The following MTERF3 variants were observed in gnomAD, a reference collection of about 807,000 sequenced individuals.
The protein encoded by MTERF3 is mitochondrial transcription termination factor 3.
In MTERF3, 40 loss-of-function variants were observed where a neutral mutation model predicts 40.5. The observed-to-expected ratio is 0.99, with a 90% CI of 0.77 to 1.29. The LOEUF (loss-of-function observed/expected upper bound fraction) is 1.29, where lower values mean the gene tolerates loss of function less well. Among genes scored for constraint, MTERF3 ranks in the 50% most tolerant of loss-of-function variants. The pLI, the probability that MTERF3 is intolerant of heterozygous loss-of-function variation, is 0.00. For synonymous variants in MTERF3, 158 were observed against 166.6 expected (o/e 0.95, Z 0.40); for missense variants, 452 against 478.2 (o/e 0.95, Z 0.51).
intron 4 of MTERF3, among the ~76,000 whole-genome samples, chr8:96,249,624 T>C (rs758119701): frequency 1.3e-5 from 2 of 152,156 alleles, no homozygotes; most frequent in African/African-American, 2.4e-5. Context: ...ATTAGACTGA[T>C]GGTTTAAGGA....
intron 7 of MTERF3, among the ~76,000 whole-genome samples, chr8:96,241,579 C>A (rs1384450614): frequency 6.6e-6 from 1 of 152,116 alleles, no homozygotes; most frequent in African/African-American, 2.4e-5. Flanking sequence ...CTCCAGTGGA[C>A]CAAAGTTACT....
chr8:96,256,841 G>T, intron 3 of MTERF3, 121 bp downstream of exon 3: 2 of 811,502 alleles, frequency 2.5e-6, no homozygotes, highest in Non-Finnish European at 3.4e-6. Context: ...AAGCCTTTAT[G>T]CTATTAGACT....
chr8:96,248,003 G>C (rs1810053867), intron 4 of MTERF3, among the ~76,000 whole-genome samples: 1 of 152,234 alleles, frequency 6.6e-6, no homozygotes, highest in African/African-American at 2.4e-5. Context: ...TTCAACATCT[G>C]ATGCTCCAAC....
chr8:96,261,382 C>T (rs1810384584), intron 1 of MTERF3, 119 bp downstream of exon 1: 1 of 152,358 alleles, frequency 6.6e-6, no homozygotes, highest in East Asian at 1.9e-4. Flanking sequence ...TCACCCTCTA[C>T]TGGGCCGCGA....
chr8:96,250,266 C>T (rs915685123), intron 4 of MTERF3, among the ~76,000 whole-genome samples: 2 of 148,900 alleles, frequency 1.3e-5, no homozygotes, highest in Admixed American at 1.3e-4. Context: ...ACAAAAACTA[C>T]AAAAACCACA....
intron 3 of MTERF3, 33 bp from the exon 4 acceptor site, chr8:96,251,128 A>G: frequency 6.6e-7 from 1 of 1,511,580 alleles, no homozygotes; most frequent in Admixed American, 2.4e-5. Context: ...TTTGAAGATG[A>G]CTTCTTAGTT....
Position 96,241,936 on chromosome 8 carries a change from C to T in MTERF3, c.1059+1983G>A, listed in dbSNP as rs916162755. 1.3e-4 allele frequency among the ~76,000 whole-genome samples: 20 copies of T among 152,268 alleles called. No individual in the cohort carries two copies. In the East Asian group the frequency reaches 3.7e-3, roughly 28 times the overall value. On this transcript the variant is annotated intron_variant, in intron 7 of 7. Coordinates refer to ENST00000287025, the MANE Select transcript of MTERF3 (RefSeq NM_015942.5). ...TAGTGATTTCTTCACATTCATTACC[C>T]TAAAACTGCTTTTGTTATCCTTTAC...
intron 1 of MTERF3, among the ~76,000 whole-genome samples, chr8:96,259,366 T>C (rs1199607922): frequency 2.6e-5 from 4 of 151,188 alleles, no homozygotes; most frequent in African/African-American, 7.3e-5. Flanking sequence ...TTTGTTTCAC[T>C]GTAGGAAAGG....
intron 7 of MTERF3, among the ~76,000 whole-genome samples, chr8:96,241,076 T>C (rs1434653836): frequency 6.6e-6 from 1 of 152,176 alleles, no homozygotes; most frequent in Non-Finnish European, 1.5e-5. Flanking sequence ...GATAGATTTT[T>C]TTTTAGAAGT....
intron 4 of MTERF3, among the ~76,000 whole-genome samples, chr8:96,250,050 C>A (rs1233100724): frequency 6.6e-6 from 1 of 152,024 alleles, no homozygotes; most frequent in Admixed American, 6.6e-5. Flanking sequence ...AGGATTCTTA[C>A]CTCACAGATC....
At chr8:96,244,120 A>C in intron 6 of MTERF3, 40 bp from the exon 7 acceptor site, 1 of 1,554,138 alleles carries the variant, frequency 6.4e-7, no homozygotes, top group Non-Finnish European at 8.8e-7. Context: ...TTATGTAGAA[A>C]TAGTTATTTT....
intron 4 of MTERF3, among the ~76,000 whole-genome samples, chr8:96,250,588 G>C (rs1810126350): frequency 8.0e-6 from 1 of 125,370 alleles, no homozygotes; most frequent in South Asian, 2.9e-4. Flanking sequence ...GCCACCTGTA[G>C]TCACCCAGCT....
intron 1 of MTERF3, 87 bp from the exon 2 acceptor site, chr8:96,258,787 A>T: frequency 9.9e-7 from 1 of 1,014,426 alleles, no homozygotes. Flanking sequence ...AAAAAGATAA[A>T]CTGGAAATTA....
chr8:96,254,222 TA>T (rs1383126243), intron 3 of MTERF3, among the ~76,000 whole-genome samples: 1 of 152,250 alleles, frequency 6.6e-6, no homozygotes, highest in African/African-American at 2.4e-5. Flanking sequence ...GTGGAACGAT[TA>T]AATCAAGCTA....
intron 3 of MTERF3, among the ~76,000 whole-genome samples, chr8:96,252,984 C>A (rs985324079): frequency 5.9e-5 from 9 of 152,190 alleles, no homozygotes; most frequent in Non-Finnish European, 1.3e-4. Context: ...ATGGACCAGG[C>A]ACTTTTTTAG....
At chr8:96,248,196 C>G (rs1375023970) in intron 4 of MTERF3, among the ~76,000 whole-genome samples, 1 of 152,086 alleles carries the variant, frequency 6.6e-6, no homozygotes, top group Non-Finnish European at 1.5e-5. Context: ...ATGAACACAC[C>G]CTTTGACCTA....
chr8:96,251,052 G>T lies in MTERF3; in HGVS notation c.531C>A (p.Asn177Lys), dbSNP rs1810176111. 1 of 1,592,490 alleles carries T rather than the reference G, an allele frequency of 6.3e-7. No individual in the cohort carries two copies. Residue 177 changes from asparagine to lysine, a missense_variant, in exon 4 of 8, where the codon AAC becomes AAA. Coordinates refer to ENST00000287025, the MANE Select transcript of MTERF3 (RefSeq NM_015942.5). ...TTTCAAAATCCAGTCTCAGAAGGAG[G>T]TTTGCTGCTTCTGGATGTTTTTCTA... ...SKIEKHPEAA[N>K]LLLRLDFEKD...
intron 2 of MTERF3, among the ~76,000 whole-genome samples, chr8:96,257,787 T>G (rs1810307291): frequency 6.6e-6 from 1 of 152,230 alleles, no homozygotes; most frequent in South Asian, 2.1e-4. Flanking sequence ...TTCTCATCAT[T>G]TATAGCCAGC....
chr8:96,248,717 C>T (rs1173685372), intron 4 of MTERF3, among the ~76,000 whole-genome samples: 1 of 151,240 alleles, frequency 6.6e-6, no homozygotes, highest in African/African-American at 2.4e-5. Flanking sequence ...TAAGGCCCAC[C>T]CAACCAAAAA....
Sources: allele counts gnomAD v4.1 joint callset (sites outside exome capture counted in the v4.1 genomes callset), GRCh38; gene constraint gnomAD v4.1.1; transcripts MANE v1.5; gene names NCBI Gene and HGNC (gene_info 2026-07-23, HGNC 2026-07-21).